The following WDR75 variants were observed in gnomAD, a reference collection of about 807,000 sequenced individuals.
WDR75 encodes WD repeat-containing protein 75.
Under a neutral mutation model 106.1 loss-of-function variants are expected in WDR75, and 52 were observed. The observed-to-expected ratio is 0.49, with a 90% CI of 0.39 to 0.62. WDR75 has a LOEUF of 0.62. Among genes scored for constraint, WDR75 ranks in the 20% least tolerant of loss-of-function variants. WDR75 has a pLI of 0.00. For missense variants in WDR75, 905 were observed against 970.3 expected (o/e 0.93, Z 0.89); for synonymous variants, 333 against 335.5 (o/e 0.99, Z 0.08).
rs201968049 is a variant in WDR75 at position 189,475,468 on chromosome 2, G to T, written c.*51G>T. 2.8e-6 allele frequency: 3 copies of T among 1,086,982 alleles called. No homozygotes were observed. In the East Asian group the frequency reaches 7.5e-5, roughly 27 times the overall value. The allele number at this position is 1,086,982 out of a possible 1,614,324, so 67.3% of individuals were successfully genotyped here. ...GACTTTGTGTTTTTGATTGTATGTTGATATTCTAAAAACATCTATTTTAAT... is the reference window on the plus strand; with the variant it reads ...GACTTTGTGTTTTTGATTGTATGTTTATATTCTAAAAACATCTATTTTAAT... On this transcript the variant is annotated 3_prime_UTR_variant, in exon 21 of 21. Transcript: ENST00000314761.
rs777129230 is a variant in WDR75 at position 189,470,067 on chromosome 2, T to A, written c.1820-9T>A. On this transcript the variant is annotated splice_polypyrimidine_tract_variant and intron_variant, in intron 16 of 20. Transcript: ENST00000314761. ...AAAATGTTATTGTTTCTTTGTTTTT[T>A]CCCTCTAGTGTTTGTATTTAAACCT... 6.2e-7 allele frequency: 1 copy of A among 1,606,446 alleles called. No individual in the cohort carries two copies.
Position 189,458,831 on chromosome 2 carries a change from C to G in WDR75, c.648C>G (p.Asp216Glu). ...GTGTAGCATGTCACCCAACGGAAGA[C>G]TGCATCGCATCTGGTCACATGGATG... ...FTCVACHPTE[D>E]CIASGHMDGK... Residue 216 changes from aspartate (D) to glutamate (E), a missense_variant, in exon 7 of 21, where the codon GAC (aspartate) becomes GAG (glutamate). Asp to Glu is a conservative substitution (Grantham distance 45). Coordinates refer to ENST00000314761, the MANE Select transcript of WDR75 (RefSeq NM_032168.3). 6.2e-7 allele frequency: 1 copy of G among 1,608,608 alleles called. No homozygotes were observed. The highest frequency in any genetic ancestry group is 1.3e-5 in the African/African-American group (1 of 74,788).
At chr2:189,450,863 C>T (rs373151228) in intron 2 of WDR75, 40 bp from the exon 3 acceptor site, 2 of 1,592,982 alleles carry the variant, frequency 1.3e-6, no homozygotes, top group Non-Finnish European at 8.5e-7. Context: ...TGATGAATTT[C>T]TTTTTTTTAA....
In WDR75 at chr2:189,465,134, T is replaced by C; in HGVS notation, c.1169T>C (p.Leu390Pro). The change falls in exon 12 of 21, where the codon CTA becomes CCA. Residue 390 changes from leucine to proline, a missense_variant. Transcript: ENST00000314761. ...GATTATGGTCTGATCCAAATTGAACTAACAAAGGCTGCATTTGGCTGCTTT... is the reference window on the plus strand; with the variant it reads ...GATTATGGTCTGATCCAAATTGAACCAACAAAGGCTGCATTTGGCTGCTTT... ...INDYGLIQIE[L>P]TKAAFGCFGN... 6.2e-7 allele frequency: 1 copy of C among 1,612,760 alleles called. No homozygotes were observed. The highest frequency in any genetic ancestry group is 2.2e-5 in the East Asian group (1 of 44,846).
intron 1 of WDR75, among the ~76,000 whole-genome samples, chr2:189,444,785 C>A (rs1686460698): frequency 6.6e-6 from 1 of 152,146 alleles, no homozygotes; most frequent in South Asian, 2.1e-4. Flanking sequence ...ACTCTTCCTA[C>A]CCAACTGTTT....
At chr2:189,467,387 T>C (rs1687024705) in intron 13 of WDR75, 81 bp from the exon 14 acceptor site, 1 of 1,429,662 alleles carries the variant, frequency 7.0e-7, no homozygotes, top group South Asian at 1.5e-5. Flanking sequence ...AACCCTCAGA[T>C]AATGGGAAAC....
chr2:189,464,950 T>G, intron 11 of WDR75, 129 bp from the exon 12 acceptor site: 1 of 646,590 alleles, frequency 1.5e-6, no homozygotes, highest in Non-Finnish European at 2.4e-6. Flanking sequence ...TTGCCTTTAT[T>G]TAAAAATCTA....
chr2:189,459,833 G>A (rs186717574), intron 8 of WDR75, among the ~76,000 whole-genome samples: 2 of 152,292 alleles, frequency 1.3e-5, no homozygotes, highest in African/African-American at 4.8e-5. Context: ...TACAGATAAA[G>A]GAAGTAGGAT....
At chr2:189,469,142 G>A (rs1388837740) in intron 15 of WDR75, among the ~76,000 whole-genome samples, 1 of 152,128 alleles carries the variant, frequency 6.6e-6, no homozygotes, top group Non-Finnish European at 1.5e-5. Context: ...TCTTTTCATA[G>A]TTTGTACAAG....
intron 1 of WDR75, among the ~76,000 whole-genome samples, chr2:189,446,761 A>G (rs1036591634): frequency 1.3e-5 from 2 of 152,234 alleles, no homozygotes; most frequent in Non-Finnish European, 2.9e-5. Context: ...TCCTATACAT[A>G]CATACCTATG....
chr2:189,456,396 A>T (rs969660000), intron 5 of WDR75, among the ~76,000 whole-genome samples: 4 of 152,292 alleles, frequency 2.6e-5, no homozygotes, highest in Middle Eastern at 3.4e-3. Context: ...TCAGCAAGAG[A>T]ATAAACAAAT....
chr2:189,457,266 T>C, intron 5 of WDR75, 45 bp from the exon 6 acceptor site: 2 of 1,266,296 alleles, frequency 1.6e-6, no homozygotes, highest in African/African-American at 1.5e-5. Flanking sequence ...AAAAAAAGAG[T>C]GTTGACTATT....
intron 1 of WDR75, among the ~76,000 whole-genome samples, chr2:189,441,964 TC>T (rs1273564450): frequency 1.3e-5 from 2 of 152,178 alleles, no homozygotes; most frequent in Non-Finnish European, 2.9e-5. Flanking sequence ...TTCCGCTTTT[TC>T]TACCCACTCC....
intron 2 of WDR75, chr2:189,448,842 G>A (rs1287901034): frequency 4.2e-6 from 2 of 479,156 alleles, no homozygotes; most frequent in South Asian, 3.1e-5. Flanking sequence ...GAGGTATGTA[G>A]TTTTTGGTGT....
intron 6 of WDR75, among the ~76,000 whole-genome samples, chr2:189,458,411 G>C (rs1392820307): frequency 6.6e-6 from 1 of 152,094 alleles, no homozygotes; most frequent in African/African-American, 2.4e-5. Flanking sequence ...TATGCCTCAT[G>C]CTAAGATGTA....
rs1686762027 is a variant in WDR75, at chr2:189,457,350, G to C, written c.538G>C (p.Val180Leu). The change falls in exon 6 of 21, where the codon GTT becomes CTT. Residue 180 changes from valine to leucine, a missense_variant. By Grantham distance (32) the Val-to-Leu change is conservative. Transcript: ENST00000314761. ...VAAVREFYLS[V>L]YFFKKKTTSR... The stretch of plus-strand genomic sequence containing the variant: ...TGCAGTACGGGAATTTTACTTGTCT[G>C]TTTATTTTTTCAAAAAGAAAACAAC... 2 of 1,604,444 alleles carry C rather than the reference G, an allele frequency of 1.2e-6. No homozygotes were observed. The highest frequency in any genetic ancestry group is 1.7e-6 in the Non-Finnish European group (2 of 1,172,670).
chr2:189,451,654 A>G (rs1445784013), intron 3 of WDR75, 151 bp from the exon 4 acceptor site: 2 of 607,782 alleles, frequency 3.3e-6, no homozygotes, highest in East Asian at 2.6e-5. Flanking sequence ...TATTTAACAA[A>G]TATGTATTAG....
chr2:189,474,616 TG>T, intron 19 of WDR75, 100 bp from the exon 20 acceptor site: 2 of 1,048,142 alleles, frequency 1.9e-6, no homozygotes, highest in Non-Finnish European at 2.8e-6. Flanking sequence ...GTTTCACTCT[TG>T]GCATTTACAA....
At chr2:189,470,322 G>C in intron 17 of WDR75, 77 bp downstream of exon 17, 2 of 1,481,410 alleles carry the variant, frequency 1.4e-6, no homozygotes, top group Non-Finnish European at 1.8e-6. Context: ...ATTGGTGTGA[G>C]TTTGTTTCTA....
Sources: allele counts gnomAD v4.1 joint callset (sites outside exome capture counted in the v4.1 genomes callset), GRCh38; gene constraint gnomAD v4.1.1; transcripts MANE v1.5; gene names NCBI Gene and HGNC (gene_info 2026-07-23, HGNC 2026-07-21).